Variants in TMEM117 observed in about 807,000 individuals in gnomAD.
TMEM117 encodes transmembrane protein 117.
In TMEM117, 27 loss-of-function variants were observed where a neutral mutation model predicts 52.4. The observed-to-expected ratio is 0.51, with a 90% CI of 0.38 to 0.71. TMEM117 has a LOEUF of 0.71. TMEM117 is among the 30% of genes least tolerant of loss of function. The pLI is 0.00. For missense variants in TMEM117, 556 were observed against 630.5 expected, an observed-to-expected ratio of 0.88 and a Z score of 1.26; for synonymous variants, 215 against 206.3, an observed-to-expected ratio of 1.04 and a Z score of -0.36.
At chr12:44,116,245 C>T (rs780856118) in intron 3 of TMEM117, among the ~76,000 whole-genome samples, 19 of 152,130 alleles carry the variant, frequency 1.2e-4, no homozygotes, top group Non-Finnish European at 2.4e-4. Flanking sequence ...CAATACTCTT[C>T]GAATGTGTTC....
intron 6 of TMEM117, among the ~76,000 whole-genome samples, chr12:44,322,242 T>C (rs1304267273): frequency 6.6e-6 from 1 of 152,174 alleles, no homozygotes; most frequent in African/African-American, 2.4e-5. Flanking sequence ...TGCATCTGCG[T>C]GGTGAGTAGC....
At chr12:43,856,609 T>G (rs1943404472) in intron 2 of TMEM117, among the ~76,000 whole-genome samples, 1 of 152,220 alleles carries the variant, frequency 6.6e-6, no homozygotes, top group South Asian at 2.1e-4. Context: ...AATGAAAACA[T>G]ACAGTATATA....
intron 3 of TMEM117, among the ~76,000 whole-genome samples, chr12:44,120,342 C>G (rs1948213055): frequency 6.6e-6 from 1 of 152,136 alleles, no homozygotes; most frequent in African/African-American, 2.4e-5. Context: ...TAAAAAGGTG[C>G]TGTCTACCTA....
chr12:44,161,255 C>T (rs1403393165), intron 4 of TMEM117, among the ~76,000 whole-genome samples: 1 of 152,060 alleles, frequency 6.6e-6, no homozygotes, highest in Non-Finnish European at 1.5e-5. Context: ...TCTTAATAAA[C>T]AAAATTATAA....
chr12:44,340,844 G>C (rs774228490), intron 6 of TMEM117, among the ~76,000 whole-genome samples: 7 of 152,046 alleles, frequency 4.6e-5, no homozygotes, highest in Non-Finnish European at 1.0e-4. Flanking sequence ...GTGCAGTCCT[G>C]CTACATGCAT....
chr12:43,925,230 G>T (rs1218607929), intron 2 of TMEM117, among the ~76,000 whole-genome samples: 2 of 151,938 alleles, frequency 1.3e-5, no homozygotes, highest in South Asian at 2.1e-4. Flanking sequence ...AGTGTGTGTG[G>T]GGGTGTCTAG....
intron 4 of TMEM117, among the ~76,000 whole-genome samples, chr12:44,207,429 T>G (rs1216596664): frequency 6.6e-6 from 1 of 152,198 alleles, no homozygotes; most frequent in Non-Finnish European, 1.5e-5. Flanking sequence ...CAATTAATAC[T>G]CAGTTTTGTC....
In TMEM117 at chr12:44,388,658, A is replaced by C. The variant is rs1388844295; in HGVS notation, c.1531A>C (p.Thr511Pro). The C allele has an allele frequency of 6.2e-7, 1 of 1,612,926 alleles. No individual in the cohort carries two copies. ...TCAAGACCCAACGACTTCTAAAAGT[A>C]CACCTACGAACTAGACTCGGAGATA... ...ADQDPTTSKS[T>P]PTN Residue 511 changes from threonine to proline, a missense_variant, in exon 8 of 8, where the codon ACA becomes CCA. Thr to Pro is a conservative substitution (Grantham distance 38). Transcript: ENST00000266534.
At chr12:44,035,648 T>G (rs1282581980) in intron 3 of TMEM117, among the ~76,000 whole-genome samples, 3 of 152,208 alleles carry the variant, frequency 2.0e-5, no homozygotes, top group African/African-American at 7.2e-5. Flanking sequence ...TTAACTTGAG[T>G]GTACTCTTTT....
intron 3 of TMEM117, among the ~76,000 whole-genome samples, chr12:43,990,279 A>AT (rs1945916743): frequency 6.6e-6 from 1 of 152,156 alleles, no homozygotes; most frequent in Non-Finnish European, 1.5e-5. Flanking sequence ...TGAGGGTCAA[A>AT]TGAATCTGAG....
At chr12:44,142,171 A>G (rs755276738) in intron 3 of TMEM117, among the ~76,000 whole-genome samples, 1 of 152,182 alleles carries the variant, frequency 6.6e-6, no homozygotes, top group Non-Finnish European at 1.5e-5. Context: ...TCATTGTACC[A>G]GTGTGAGAGT....
At chr12:43,838,402 G>A (rs1223772328) in intron 1 of TMEM117, among the ~76,000 whole-genome samples, 1 of 151,698 alleles carries the variant, frequency 6.6e-6, no homozygotes, top group African/African-American at 2.4e-5. Flanking sequence ...TTTGCCACCT[G>A]AGATTGCTTT....
chr12:44,194,933 A>C (rs1262733831), intron 4 of TMEM117, among the ~76,000 whole-genome samples: 1 of 152,250 alleles, frequency 6.6e-6, no homozygotes, highest in Non-Finnish European at 1.5e-5. Context: ...AGCACAATTA[A>C]TGTAATTTTT....
rs981048453 is a variant in TMEM117, at chr12:44,195,881, C to T, written c.511-15409C>T. Among the ~76,000 whole-genome samples the T allele has an allele frequency of 2.6e-4, 38 of 147,468 alleles. 1 individual carries two copies. The highest frequency in any genetic ancestry group is 9.0e-4 in the African/African-American group (36 of 39,888). On this transcript the variant is annotated intron_variant, in intron 4 of 7. Transcript: ENST00000266534. ...CCAGCATGTGCAACATAGCAAGACCCTGTCTCTAAAATAAATAAATAAATA... is the reference window on the plus strand; with the variant it reads ...CCAGCATGTGCAACATAGCAAGACCTTGTCTCTAAAATAAATAAATAAATA...
intron 3 of TMEM117, among the ~76,000 whole-genome samples, chr12:44,010,670 T>C (rs935004414): frequency 2.0e-5 from 3 of 152,216 alleles, no homozygotes; most frequent in African/African-American, 7.2e-5. Flanking sequence ...TTCTTACCTT[T>C]TTAGGTGTTT....
chr12:43,960,833 A>G (rs1338840170), intron 3 of TMEM117, among the ~76,000 whole-genome samples: 1 of 152,182 alleles, frequency 6.6e-6, no homozygotes, highest in South Asian at 2.1e-4. Flanking sequence ...TTTATAATTA[A>G]TGATATTAAT....
At chr12:43,802,222 C>T in the TMEM117 span, 3 of 1,134,298 alleles carry the variant, frequency 2.6e-6, no homozygotes, top group South Asian at 1.9e-5. Context: ...TTTATTTGAC[C>T]TAGAAATTTC....
intron 5 of TMEM117, among the ~76,000 whole-genome samples, chr12:44,298,270 A>G (rs1950793520): frequency 6.6e-6 from 1 of 150,836 alleles, no homozygotes; most frequent in Non-Finnish European, 1.5e-5. Flanking sequence ...ATTATAAGAC[A>G]TTAGAGGGCA....
intron 3 of TMEM117, among the ~76,000 whole-genome samples, chr12:44,138,487 T>C (rs1948523472): frequency 6.6e-6 from 1 of 152,162 alleles, no homozygotes; most frequent in African/African-American, 2.4e-5. Context: ...AGAATTGATG[T>C]ATGCTGGATG....
Sources: allele counts gnomAD v4.1 joint callset (sites outside exome capture counted in the v4.1 genomes callset), GRCh38; gene constraint gnomAD v4.1.1; transcripts MANE v1.5; gene names NCBI Gene and HGNC (gene_info 2026-07-23, HGNC 2026-07-21).